SEMA6A: variants seen among roughly 807,000 people sequenced by gnomAD.
The protein encoded by SEMA6A is semaphorin-6A.
SEMA6A carries 25 observed loss-of-function variants against 96.8 expected under a neutral mutation model. That is an observed-to-expected ratio of 0.26 (90% CI 0.19 to 0.36). The LOEUF is 0.36. SEMA6A is among the 10% of genes least tolerant of loss of function. The pLI is 1.00. For missense variants in SEMA6A, 1,363 were observed against 1,323.1 expected, an observed-to-expected ratio of 1.03 and a Z score of -0.47; for synonymous variants, 612 against 518.0, an observed-to-expected ratio of 1.18 and a Z score of -2.46.
Position 116,488,982 on chromosome 5 carries a change from C to T in SEMA6A, c.561G>A (p.Val187=), listed in dbSNP as rs1757199507. ...CTGCGTCAATGGCAAGGAAGTCAGT[C>T]ACTGTGGCTGAGTATAGTTTTCCAT... ...FADGKLYSAT[V]TDFLAIDAVI... The change falls in exon 8 of 19, where the codon GTG becomes GTA. Residue 187 remains valine (V), a synonymous_variant. Transcript: ENST00000343348. The T allele has an allele frequency of 6.3e-7, 1 of 1,577,154 alleles. No individual in the cohort carries two copies. Among genetic ancestry groups the T allele is most frequent in the South Asian group, 1.2e-5 (1 of 85,840 alleles).
At position 116,446,754 on chromosome 5, in the gene SEMA6A, C is replaced by G. The variant is rs372242834; in HGVS notation, c.2952G>C (p.Ser984=). 2 of 1,608,572 alleles carry G rather than the reference C, an allele frequency of 1.2e-6. No homozygotes were observed. Among genetic ancestry groups the G allele is most frequent in the Admixed American group, 1.7e-5 (1 of 59,058 alleles). ...SQPSGQAVTV[S]RQPSLNAYNS... is the part of the protein sequence containing the mutation. ...TGTAGGCGTTGAGGCTGGGCTGCCT[C>G]GAGACAGTCACGGCCTGGCCAGATG... Residue 984 remains serine (S), a synonymous_variant, in exon 19 of 19, where the codon TCG becomes TCC. Transcript: ENST00000343348.
chr5:116,482,662 A>T, intron 10 of SEMA6A, 87 bp from the exon 11 acceptor site: 1 of 1,361,422 alleles, frequency 7.3e-7, no homozygotes, highest in Non-Finnish European at 1.0e-6. Context: ...CTTTCCTGGT[A>T]CAGCAAATGA....
intron 1 of SEMA6A, among the ~76,000 whole-genome samples, chr5:116,533,263 T>C (rs2112845006): frequency 6.6e-6 from 1 of 152,086 alleles, no homozygotes; most frequent in Non-Finnish European, 1.5e-5. Flanking sequence ...TTTCCTTTTT[T>C]TTTTTTTTTC....
chr5:116,484,874 G>A (rs1460527717), intron 10 of SEMA6A, among the ~76,000 whole-genome samples: 2 of 152,200 alleles, frequency 1.3e-5, no homozygotes, highest in Admixed American at 6.5e-5. Context: ...CCATGGCACA[G>A]GCTGCATGGC....
chr5:116,556,676 A>T (rs1358184198), intron 1 of SEMA6A, among the ~76,000 whole-genome samples: 4 of 152,230 alleles, frequency 2.6e-5, no homozygotes, highest in Non-Finnish European at 5.9e-5. Context: ...CCCCTCTAGA[A>T]GAAAAGCTGA....
chr5:116,543,062 C>T (rs1374350464), intron 1 of SEMA6A, among the ~76,000 whole-genome samples: 1 of 152,128 alleles, frequency 6.6e-6, no homozygotes, highest in Admixed American at 6.6e-5. Flanking sequence ...CTTCTAAGCT[C>T]ATAAAATAGT....
At chr5:116,453,903 G>A (rs1963858) in intron 18 of SEMA6A, among the ~76,000 whole-genome samples, 83,552 of 152,116 alleles carry the variant, frequency 0.55, 24,174 homozygotes, top group African/African-American at 0.74. Flanking sequence ...GCAAAAATAC[G>A]TAAAATTAAT....
At position 116,504,909 on chromosome 5, in the gene SEMA6A, C is replaced by T; in HGVS notation, c.36G>A (p.Leu12=). The T allele has an allele frequency of 6.2e-7, 1 of 1,603,426 alleles. No homozygotes were observed. Among genetic ancestry groups the T allele is most frequent in the African/African-American group, 1.3e-5 (1 of 74,908 alleles). ...GGAAACCAGCCCCAGCAAAGTGTAG[C>T]AGTGTGAAATATAGCAGCAAGGCTT... ...RSEALLLYFT[L]LHFAGAGFPE... is the part of the protein sequence containing the mutation. The change falls in exon 2 of 19, where the codon CTG becomes CTA. Residue 12 remains leucine, a synonymous_variant. Transcript: ENST00000343348.
chr5:116,484,530 AAGG>A (rs933922390), intron 10 of SEMA6A, among the ~76,000 whole-genome samples: 10 of 152,064 alleles, frequency 6.6e-5, no homozygotes, highest in African/African-American at 2.4e-4. Context: ...TGACAAAAAT[AAGG>A]AGAATTGCTT....
At chr5:116,459,527 A>G (rs1188359616) in intron 18 of SEMA6A, among the ~76,000 whole-genome samples, 2 of 152,058 alleles carry the variant, frequency 1.3e-5, no homozygotes, top group Non-Finnish European at 2.9e-5. Context: ...AGTCGTCCAT[A>G]CACTTAGTCA....
chr5:116,491,959 G>A, intron 6 of SEMA6A, 129 bp from the exon 7 acceptor site: 2 of 696,274 alleles, frequency 2.9e-6, no homozygotes, highest in Non-Finnish European at 5.1e-6. Context: ...CCCTGTTGAA[G>A]CCACTTTTAA....
intron 1 of SEMA6A, among the ~76,000 whole-genome samples, chr5:116,545,752 C>G (rs544479694): frequency 6.6e-6 from 1 of 152,172 alleles, no homozygotes; most frequent in African/African-American, 2.4e-5. Flanking sequence ...GTGGGCTTGG[C>G]TGCTATGGAA....
intron 17 of SEMA6A, chr5:116,469,243 G>A (rs901848764): frequency 2.0e-5 from 3 of 152,118 alleles, no homozygotes; most frequent in South Asian, 4.1e-4. Flanking sequence ...AAAATAGTCT[G>A]CTTCGTATCC....
chr5:116,494,417 C>A (rs956792457), intron 6 of SEMA6A, among the ~76,000 whole-genome samples: 3 of 152,198 alleles, frequency 2.0e-5, no homozygotes, highest in African/African-American at 7.2e-5. Context: ...TGGAGAATCA[C>A]AGATGTGATC....
rs1408924615 is a variant in SEMA6A at position 116,473,727 on chromosome 5, T to G, written c.1709-634A>C. Among the ~76,000 whole-genome samples the G allele has an allele frequency of 2.6e-5, 4 of 152,200 alleles. No homozygotes were observed. In the East Asian group the frequency reaches 5.8e-4, roughly 22 times the overall value. ...TTAATTTTGTACCAGTTATAATGAT[T>G]GTACCAGTTAGAGAAATCCTCCCTG... On this transcript the variant is annotated intron_variant, in intron 16 of 18. Transcript: ENST00000343348.
chr5:116,449,274 C>T (rs960954967), intron 18 of SEMA6A: 5 of 701,830 alleles, frequency 7.1e-6, no homozygotes, highest in African/African-American at 7.0e-5. Context: ...GAAATGTAAA[C>T]ATTGTTCCTA....
intron 1 of SEMA6A, among the ~76,000 whole-genome samples, chr5:116,520,475 TAA>T (rs557672832): frequency 6.6e-6 from 1 of 151,920 alleles, no homozygotes; most frequent in Non-Finnish European, 1.5e-5. Context: ...AATGAAGCTC[TAA>T]AAAAAGAGTA....
chr5:116,514,635 G>A (rs1311093702), intron 1 of SEMA6A, among the ~76,000 whole-genome samples: 4 of 152,154 alleles, frequency 2.6e-5, no homozygotes, highest in African/African-American at 9.7e-5. Context: ...GCAAAGATGA[G>A]CAGCAGCTGA....
chr5:116,467,156 C>G (rs1480783474), intron 18 of SEMA6A, among the ~76,000 whole-genome samples: 1 of 152,122 alleles, frequency 6.6e-6, no homozygotes, highest in African/African-American at 2.4e-5. Flanking sequence ...AGACTTTGTC[C>G]TGCTATTTCT....
Sources: allele counts gnomAD v4.1 joint callset (sites outside exome capture counted in the v4.1 genomes callset), GRCh38; gene constraint gnomAD v4.1.1; transcripts MANE v1.5; gene names NCBI Gene and HGNC (gene_info 2026-07-23, HGNC 2026-07-21).